Variants in PPIG observed in about 807,000 individuals in gnomAD.
PPIG encodes the protein peptidylprolyl isomerase G, also known as peptidyl-prolyl cis-trans isomerase G.
A neutral mutation model predicts 87.9 loss-of-function variants in PPIG; 26 were observed. The observed-to-expected ratio is 0.30, with a 90% CI of 0.22 to 0.41. The LOEUF (loss-of-function observed/expected upper bound fraction) is 0.41, where lower values mean the gene tolerates loss of function less well. PPIG is among the 10% of genes least tolerant of loss of function. The pLI is 1.00. For missense variants in PPIG, 722 were observed against 879.4 expected (o/e 0.82, Z 2.26); for synonymous variants, 308 against 276.5 (o/e 1.11, Z -1.13).
intron 9 of PPIG, among the ~76,000 whole-genome samples, chr2:169,621,297 T>A (rs541128006): frequency 8.6e-5 from 13 of 152,044 alleles, no homozygotes; most frequent in African/African-American, 2.6e-4. Flanking sequence ...TTTAAAAAAA[T>A]TTTTTTTGTC....
At chr2:169,625,750 C>G (rs989785657) in intron 9 of PPIG, among the ~76,000 whole-genome samples, 10 of 151,652 alleles carry the variant, frequency 6.6e-5, no homozygotes, top group African/African-American at 2.2e-4. Context: ...AAGGTTAGGT[C>G]TACTGGTGAC....
Position 169,598,871 on chromosome 2 carries a change from A to G in PPIG, c.-69-4771A>G, listed in dbSNP as rs9678621. Among the ~76,000 whole-genome samples the G allele has an allele frequency of 1.5e-4, 23 of 149,450 alleles. No individual in the cohort carries two copies. The East Asian group carries it at 4.1e-3, about 27-fold the overall frequency. On this transcript the variant is annotated intron_variant, in intron 1 of 13. Transcript: ENST00000260970. Reference sequence around the variant, plus strand: ...TATAAATACAGGTAAATATATTTATATAAATACAGGTAAATATATTTATGT... The same window carrying G: ...TATAAATACAGGTAAATATATTTATGTAAATACAGGTAAATATATTTATGT...
chr2:169,599,877 C>T (rs978730507), intron 1 of PPIG, among the ~76,000 whole-genome samples: 6 of 152,048 alleles, frequency 3.9e-5, no homozygotes, highest in Admixed American at 3.3e-4. Flanking sequence ...AATGTATTTT[C>T]CCCAATTTTT....
At chr2:169,605,480 G>T (rs1194210694) in intron 4 of PPIG, among the ~76,000 whole-genome samples, 1 of 152,044 alleles carries the variant, frequency 6.6e-6, no homozygotes, top group Non-Finnish European at 1.5e-5. Flanking sequence ...TCCAGCCTGG[G>T]CGACAAGAGT....
At chr2:169,618,549 C>G (rs1484153424) in intron 9 of PPIG, among the ~76,000 whole-genome samples, 1 of 152,150 alleles carries the variant, frequency 6.6e-6, no homozygotes, top group African/African-American at 2.4e-5. Flanking sequence ...TTGGTCTATT[C>G]AGGGATTCGA....
intron 6 of PPIG, among the ~76,000 whole-genome samples, chr2:169,607,697 G>T (rs1282512314): frequency 1.3e-5 from 2 of 152,160 alleles, no homozygotes; most frequent in African/African-American, 4.8e-5. Flanking sequence ...AATTCTACAT[G>T]ATTTGTTCTT....
chr2:169,607,223 A>C, intron 6 of PPIG, 75 bp downstream of exon 6: 1 of 939,790 alleles, frequency 1.1e-6, no homozygotes, highest in Non-Finnish European at 1.6e-6. Context: ...TGGAATCAAT[A>C]ACATTATTCA....
chr2:169,623,531 G>A (rs1183889180), intron 9 of PPIG, among the ~76,000 whole-genome samples: 1 of 152,192 alleles, frequency 6.6e-6, no homozygotes, highest in Non-Finnish European at 1.5e-5. Flanking sequence ...AGTTGTATGA[G>A]AAGAAATGGG....
chr2:169,606,184 A>T, intron 5 of PPIG, 38 bp downstream of exon 5: 1 of 1,418,788 alleles, frequency 7.0e-7, no homozygotes, highest in Non-Finnish European at 1.0e-6. Flanking sequence ...TTTCTGTTAA[A>T]TATCACAGAT....
intron 6 of PPIG, 122 bp from the exon 7 acceptor site, chr2:169,608,549 C>G (rs1685397342): frequency 3.7e-6 from 2 of 533,392 alleles, no homozygotes; most frequent in Non-Finnish European, 6.8e-6. Context: ...CATAACCTAA[C>G]TTTATTATCT....
chr2:169,614,524 G>A (rs1685564927), intron 8 of PPIG, 31 bp downstream of exon 8: 1 of 1,556,612 alleles, frequency 6.4e-7, no homozygotes, highest in Non-Finnish European at 8.7e-7. Flanking sequence ...TTTACAACCT[G>A]TTTTAAATTA....
At chr2:169,608,229 G>A (rs940143269) in intron 6 of PPIG, among the ~76,000 whole-genome samples, 1 of 151,574 alleles carries the variant, frequency 6.6e-6, no homozygotes, top group Non-Finnish European at 1.5e-5. Context: ...GGTGGCTCAT[G>A]CCTGTAATCC....
At chr2:169,625,878 G>A (rs1299494259) in intron 9 of PPIG, among the ~76,000 whole-genome samples, 2 of 152,144 alleles carry the variant, frequency 1.3e-5, no homozygotes, top group Admixed American at 6.5e-5. Flanking sequence ...GGAGTGCTCA[G>A]CCTAGATCCC....
intron 9 of PPIG, among the ~76,000 whole-genome samples, chr2:169,629,179 T>C (rs186924911): frequency 5.3e-5 from 8 of 152,212 alleles, no homozygotes; most frequent in Admixed American, 5.2e-4. Flanking sequence ...TAAAATAATA[T>C]AACACTTTTT....
chr2:169,605,393 C>T (rs1685295689), intron 4 of PPIG, among the ~76,000 whole-genome samples: 1 of 152,066 alleles, frequency 6.6e-6, no homozygotes, highest in Admixed American at 6.6e-5. Context: ...GTCCCAGCTA[C>T]TCTGGAGGAT....
chr2:169,613,945 CA>C (rs565876095), intron 7 of PPIG, among the ~76,000 whole-genome samples: 1 of 151,892 alleles, frequency 6.6e-6, no homozygotes, highest in African/African-American at 2.4e-5. Flanking sequence ...AAAATAAAAA[CA>C]AAAAAAACTT....
At chr2:169,623,804 G>T (rs1685813971) in intron 9 of PPIG, among the ~76,000 whole-genome samples, 1 of 152,062 alleles carries the variant, frequency 6.6e-6, no homozygotes, top group Non-Finnish European at 1.5e-5. Context: ...GAATACTTTT[G>T]TTCTTTATTT....
intron 7 of PPIG, among the ~76,000 whole-genome samples, chr2:169,609,496 T>A (rs1285359318): frequency 6.6e-6 from 1 of 152,148 alleles, no homozygotes; most frequent in South Asian, 2.1e-4. Flanking sequence ...AAAATTGTTA[T>A]AGAGGGGAAG....
intron 9 of PPIG, among the ~76,000 whole-genome samples, chr2:169,621,970 C>A (rs1685767017): frequency 6.6e-6 from 1 of 151,564 alleles, no homozygotes; most frequent in African/African-American, 2.4e-5. Context: ...ATGTGTAGTC[C>A]CTGCTACTTG....
Sources: allele counts gnomAD v4.1 joint callset (sites outside exome capture counted in the v4.1 genomes callset), GRCh38; gene constraint gnomAD v4.1.1; transcripts MANE v1.5; gene names NCBI Gene and HGNC (gene_info 2026-07-23, HGNC 2026-07-21).